Variants in DLGAP1 observed in about 807,000 individuals in gnomAD.
The protein encoded by DLGAP1 is DLG associated protein 1, also known as disks large-associated protein 1.
A neutral mutation model predicts 90.8 loss-of-function variants in DLGAP1; 11 were observed. That is an observed-to-expected ratio of 0.12 (90% CI 0.08 to 0.20). DLGAP1 has a LOEUF of 0.20. Among genes scored for constraint, DLGAP1 ranks in the 10% least tolerant of loss-of-function variants. DLGAP1 has a pLI of 1.00. For synonymous variants in DLGAP1, 558 were observed against 540.7 expected, an observed-to-expected ratio of 1.03 and a Z score of -0.44; for missense variants, 1,050 against 1,333.8, an observed-to-expected ratio of 0.79 and a Z score of 3.31.
At chr18:3,656,159 G>A (rs892344884) in intron 7 of DLGAP1, 22 of 1,515,488 alleles carry the variant, frequency 1.5e-5, no homozygotes, top group Admixed American at 2.2e-5. Flanking sequence ...GACCCAAATC[G>A]CCTTTTCCAG....
At chr18:4,381,958 T>G (rs1294568992) in intron 1 of DLGAP1, among the ~76,000 whole-genome samples, 6 of 152,058 alleles carry the variant, frequency 3.9e-5, no homozygotes, top group East Asian at 1.9e-4. Flanking sequence ...GAGGGAGTGA[T>G]AGCCAAGTGA....
At chr18:4,096,601 A>G (rs1455238881) in intron 2 of DLGAP1, among the ~76,000 whole-genome samples, 1 of 151,794 alleles carries the variant, frequency 6.6e-6, no homozygotes, top group Non-Finnish European at 1.5e-5. Context: ...CAACTGACCT[A>G]TATTTCCTTT....
intron 4 of DLGAP1, among the ~76,000 whole-genome samples, chr18:3,845,982 T>C (rs1365563999): frequency 6.6e-6 from 1 of 152,086 alleles, no homozygotes; most frequent in African/African-American, 2.4e-5. Flanking sequence ...GCAAACACTT[T>C]TCATTTTTTA....
At chr18:3,930,598 C>T (rs2072495041) in intron 3 of DLGAP1, among the ~76,000 whole-genome samples, 1 of 152,144 alleles carries the variant, frequency 6.6e-6, no homozygotes, top group South Asian at 2.1e-4. Context: ...GACGCCACGG[C>T]CTGTGACTGT....
intron 1 of DLGAP1, among the ~76,000 whole-genome samples, chr18:4,299,538 C>A (rs977004600): frequency 3.3e-5 from 5 of 152,108 alleles, no homozygotes; most frequent in Non-Finnish European, 7.4e-5. Context: ...ATAAACAGCC[C>A]ATTTTGTCAC....
At chr18:3,561,641 T>C (rs989826938) in intron 9 of DLGAP1, among the ~76,000 whole-genome samples, 1 of 150,712 alleles carries the variant, frequency 6.6e-6, no homozygotes, top group Non-Finnish European at 1.5e-5. Flanking sequence ...AAATTCTAGA[T>C]GGGTGTTTTT....
chr18:4,067,311 T>A (rs946357419), intron 2 of DLGAP1, among the ~76,000 whole-genome samples: 1 of 151,276 alleles, frequency 6.6e-6, no homozygotes, highest in Non-Finnish European at 1.5e-5. Context: ...TGGGCACTTG[T>A]ACCCCTGAAC....
intron 1 of DLGAP1, among the ~76,000 whole-genome samples, chr18:4,340,420 A>G (rs1015719118): frequency 1.3e-5 from 2 of 152,340 alleles, no homozygotes; most frequent in African/African-American, 4.8e-5. Flanking sequence ...TTTCCATTTC[A>G]TATTTTCAGA....
intron 5 of DLGAP1, among the ~76,000 whole-genome samples, chr18:3,809,024 C>A (rs2066699614): frequency 6.6e-6 from 1 of 152,166 alleles, no homozygotes; most frequent in Non-Finnish European, 1.5e-5. Flanking sequence ...CTTGTTCTTA[C>A]AATTATACAC....
chr18:3,593,278 A>C (rs986870996), intron 7 of DLGAP1, among the ~76,000 whole-genome samples: 1 of 152,262 alleles, frequency 6.6e-6, no homozygotes, highest in Non-Finnish European at 1.5e-5. Context: ...CAAGGGGTGC[A>C]CAGTTGCAAC....
chr18:4,448,824 TC>T (rs745905816), intron 1 of DLGAP1, among the ~76,000 whole-genome samples: 15 of 152,246 alleles, frequency 9.9e-5, no homozygotes, highest in Non-Finnish European at 2.1e-4. Context: ...GATTCCAGTC[TC>T]CCCTGTGAGA....
chr18:3,858,487 T>C (rs1339922880), intron 4 of DLGAP1, among the ~76,000 whole-genome samples: 1 of 149,262 alleles, frequency 6.7e-6, no homozygotes, highest in Non-Finnish European at 1.5e-5. Flanking sequence ...CATATATATA[T>C]ATACGTGTAT....
At chr18:4,401,124 AG>A (rs1173860468) in intron 1 of DLGAP1, among the ~76,000 whole-genome samples, 1 of 152,196 alleles carries the variant, frequency 6.6e-6, no homozygotes, top group Non-Finnish European at 1.5e-5. Flanking sequence ...ATGTCAGCAG[AG>A]GCACTTCAAA....
At chr18:3,949,362 T>TC (rs1313750518) in intron 3 of DLGAP1, among the ~76,000 whole-genome samples, 8 of 152,184 alleles carry the variant, frequency 5.3e-5, no homozygotes, top group Non-Finnish European at 1.2e-4. Flanking sequence ...TGGCTCCATC[T>TC]CTTTGTAGCT....
chr18:4,328,641 T>C (rs1404066764), intron 1 of DLGAP1, among the ~76,000 whole-genome samples: 5 of 152,002 alleles, frequency 3.3e-5, no homozygotes, highest in African/African-American at 1.2e-4. Context: ...CAGTAAGTTG[T>C]ACCATTGTGC....
chr18:3,560,158 C>G (rs1049602551), intron 9 of DLGAP1, among the ~76,000 whole-genome samples: 1 of 151,578 alleles, frequency 6.6e-6, no homozygotes, highest in East Asian at 2.0e-4. Context: ...CAGTGGCTCA[C>G]GCCTGTAATC....
intron 1 of DLGAP1, among the ~76,000 whole-genome samples, chr18:4,187,391 T>G (rs1015440703): frequency 1.3e-5 from 2 of 152,160 alleles, no homozygotes; most frequent in Non-Finnish European, 2.9e-5. Flanking sequence ...TCCAAGATAT[T>G]GATCCCCCAA....
rs1342273236 is a variant in DLGAP1 at position 4,084,070 on chromosome 18, G to A, written c.-159+67110C>T. 1.3e-5 allele frequency among the ~76,000 whole-genome samples: 2 copies of A among 151,978 alleles called. No individual in the cohort carries two copies. Among genetic ancestry groups the A allele is most frequent in the East Asian group, 3.9e-4 (2 of 5,182 alleles). ...GGGAGCCAGAAGCGGGATGGAGTGG[G>A]AACAATCTCCCAAAACCCTTAAAAA... On this transcript the variant is annotated intron_variant, in intron 2 of 12. Coordinates refer to ENST00000315677, the MANE Select transcript of DLGAP1 (RefSeq NM_004746.4). The surrounding 1 kb of genome is among the most constrained non-coding windows in gnomAD (Gnocchi z 4.0).
intron 2 of DLGAP1, among the ~76,000 whole-genome samples, chr18:4,047,021 G>C (rs2075065283): frequency 6.6e-6 from 1 of 152,150 alleles, no homozygotes; most frequent in African/African-American, 2.4e-5. Context: ...TTTTGTTACA[G>C]AATTATAGGA....
Sources: allele counts gnomAD v4.1 joint callset (sites outside exome capture counted in the v4.1 genomes callset), GRCh38; gene constraint gnomAD v4.1.1; non-coding constraint Gnocchi (gnomAD v3.1); transcripts MANE v1.5; gene names NCBI Gene and HGNC (gene_info 2026-07-23, HGNC 2026-07-21).